Variants in CHN2 observed in about 807,000 individuals in gnomAD.
The protein encoded by CHN2 is beta-chimaerin.
In CHN2, 35 loss-of-function variants were observed where a neutral mutation model predicts 56.3. That is an observed-to-expected ratio of 0.62 (90% confidence interval 0.47 to 0.82). The LOEUF is 0.82. Among genes scored for constraint, CHN2 ranks in the 40% least tolerant of loss-of-function variants. CHN2 has a pLI of 0.00. For missense variants in CHN2, 491 were observed against 580.5 expected (o/e 0.85, Z 1.58); for synonymous variants, 210 against 212.8 (o/e 0.99, Z 0.12).
chr7:29,256,413 C>T (rs772162336), intron 1 of CHN2, among the ~76,000 whole-genome samples: 2 of 152,204 alleles, frequency 1.3e-5, no homozygotes, highest in Non-Finnish European at 2.9e-5. Flanking sequence ...TGTATGTGAA[C>T]ATTCGAAAGA....
intron 3 of CHN2, among the ~76,000 whole-genome samples, chr7:29,389,800 T>G (rs1441866571): frequency 6.6e-6 from 1 of 152,104 alleles, no homozygotes; most frequent in Non-Finnish European, 1.5e-5. Context: ...ATGCCTGTAA[T>G]CCTAGCACTT....
chr7:29,182,114 A>C (rs1798135201), intron 2 of CHN2, among the ~76,000 whole-genome samples: 2 of 152,228 alleles, frequency 1.3e-5, no homozygotes, highest in South Asian at 4.1e-4. Flanking sequence ...ATGAGAACTA[A>C]CACTCATTAA....
chr7:29,269,132 A>G (rs960559983), intron 1 of CHN2, among the ~76,000 whole-genome samples: 18 of 152,124 alleles, frequency 1.2e-4, no homozygotes, highest in African/African-American at 3.4e-4. Flanking sequence ...TAGTCACTCT[A>G]TTGTGCTACT....
chr7:29,311,415 G>T (rs1463509750), intron 1 of CHN2, among the ~76,000 whole-genome samples: 6 of 152,124 alleles, frequency 3.9e-5, no homozygotes, highest in Non-Finnish European at 8.8e-5. Context: ...TCTCTACTGC[G>T]CTTCCTGACA....
chr7:29,245,104 C>T (rs1470158173), intron 1 of CHN2, among the ~76,000 whole-genome samples: 1 of 152,206 alleles, frequency 6.6e-6, no homozygotes, highest in Non-Finnish European at 1.5e-5. Flanking sequence ...CTCTTCTCTG[C>T]TTATTAAAAT....
chr7:29,187,870 T>A (rs1798909032), intron 2 of CHN2, among the ~76,000 whole-genome samples: 1 of 152,238 alleles, frequency 6.6e-6, no homozygotes, highest in African/African-American at 2.4e-5. Flanking sequence ...GGGCATACAT[T>A]CATTTACATA....
intron 8 of CHN2, among the ~76,000 whole-genome samples, chr7:29,498,698 G>A (rs904995605): frequency 6.7e-6 from 1 of 149,156 alleles, no homozygotes; most frequent in East Asian, 2.0e-4. Flanking sequence ...CATCAACTTT[G>A]AACAACTTCA....
intron 2 of CHN2, among the ~76,000 whole-genome samples, chr7:29,188,948 C>CTTTTTTT (rs11376135): frequency 9.2e-5 from 12 of 129,978 alleles, no homozygotes; most frequent in African/African-American, 3.5e-4. Context: ...TTCCTCATAC[C>CTTTTTTT]TTTTTTTTTT....
At chr7:29,378,999 C>T (rs1323940878) in intron 3 of CHN2, among the ~76,000 whole-genome samples, 2 of 152,290 alleles carry the variant, frequency 1.3e-5, no homozygotes, top group Admixed American at 6.5e-5. Flanking sequence ...GGTTAATATA[C>T]ATAAAGCACT....
chr7:29,512,535 T>C (rs748485891), intron 12 of CHN2, 29 bp from the exon 13 acceptor site: 5 of 1,576,598 alleles, frequency 3.2e-6, no homozygotes, highest in African/African-American at 1.4e-5. Flanking sequence ...GTCTCCATAA[T>C]GTCTCTGTTC....
chr7:29,400,053 G>A (rs908845735), intron 5 of CHN2, among the ~76,000 whole-genome samples: 2 of 152,156 alleles, frequency 1.3e-5, no homozygotes, highest in African/African-American at 4.8e-5. Context: ...TGCTGGAGGT[G>A]GTAAAGATGC....
chr7:29,212,987 C>T, intron 1 of CHN2: 3 of 1,600,128 alleles, frequency 1.9e-6, no homozygotes, highest in South Asian at 2.2e-5. Context: ...TGCACCCAGT[C>T]CTGGAACAAT....
At chr7:29,229,831 G>T (rs922467540) in intron 1 of CHN2, among the ~76,000 whole-genome samples, 1 of 152,118 alleles carries the variant, frequency 6.6e-6, no homozygotes, top group Non-Finnish European at 1.5e-5. Flanking sequence ...ACAAAAATTA[G>T]GTGGGCATGG....
At chr7:29,383,808 G>A (rs1800712204) in intron 3 of CHN2, among the ~76,000 whole-genome samples, 1 of 152,142 alleles carries the variant, frequency 6.6e-6, no homozygotes, top group African/African-American at 2.4e-5. Context: ...AGAATTCTAA[G>A]CTGAGAGCAA....
chr7:29,418,311 T>C (rs996412469), intron 6 of CHN2, among the ~76,000 whole-genome samples: 1 of 152,212 alleles, frequency 6.6e-6, no homozygotes, highest in Admixed American at 6.5e-5. Flanking sequence ...TGCGGAAACT[T>C]CTCGCGGAAG....
chr7:29,505,445 T>C (rs1178634407), intron 10 of CHN2, among the ~76,000 whole-genome samples: 1 of 152,222 alleles, frequency 6.6e-6, no homozygotes, highest in Non-Finnish European at 1.5e-5. Context: ...TGTAGTGTGG[T>C]ATGTGAAATC....
chr7:29,347,253 A>G (rs1302552402), intron 1 of CHN2, among the ~76,000 whole-genome samples: 1 of 152,178 alleles, frequency 6.6e-6, no homozygotes, highest in Non-Finnish European at 1.5e-5. Flanking sequence ...GACCTTTTAA[A>G]ATAAAAAATA....
intron 6 of CHN2, among the ~76,000 whole-genome samples, chr7:29,456,674 G>A (rs1784793407): frequency 6.8e-6 from 1 of 147,728 alleles, no homozygotes; most frequent in South Asian, 2.2e-4. Flanking sequence ...TAGATCTGAG[G>A]TGGGGCCCAG....
chr7:29,311,029 C>T (rs752177467), intron 1 of CHN2, among the ~76,000 whole-genome samples: 1 of 152,084 alleles, frequency 6.6e-6, no homozygotes, highest in Non-Finnish European at 1.5e-5. Context: ...TTTAAAAAGC[C>T]CCATAACCTG....
Sources: gnomAD v4.1 joint callset for allele counts (sites outside exome capture counted in the v4.1 genomes callset) on GRCh38, gnomAD v4.1.1 for gene constraint, MANE v1.5 for transcripts, NCBI Gene and HGNC (gene_info 2026-07-23, HGNC 2026-07-21) for gene names.